The following FHIT variants were observed in gnomAD, a reference collection of about 807,000 sequenced individuals.
FHIT encodes bis(5'-adenosyl)-triphosphatase.
Under a neutral mutation model 17.9 loss-of-function variants are expected in FHIT, and 19 were observed. That is an observed-to-expected ratio of 1.06 (90% CI 0.74 to 1.56). The LOEUF is 1.56. Among genes scored for constraint, FHIT ranks in the 40% most tolerant of loss-of-function variants. The pLI, the probability that FHIT is intolerant of heterozygous loss-of-function variation, is 0.00. For synonymous variants in FHIT, 81 were observed against 69.7 expected (o/e 1.16, Z -0.81); for missense variants, 248 against 189.2 (o/e 1.31, Z -1.82).
At chr3:60,257,885 G>A (rs1706084381) in intron 5 of FHIT, among the ~76,000 whole-genome samples, 1 of 151,994 alleles carries the variant, frequency 6.6e-6, no homozygotes, top group Admixed American at 6.6e-5. Flanking sequence ...ACAAACTAAG[G>A]CCTGTCGGAG....
chr3:60,490,785 A>G (rs2034030289), intron 5 of FHIT, among the ~76,000 whole-genome samples: 1 of 152,126 alleles, frequency 6.6e-6, no homozygotes, highest in African/African-American at 2.4e-5. Context: ...AGCCCTTCAC[A>G]TGATTTAACA....
At chr3:60,073,192 T>A (rs147797369) in intron 5 of FHIT, among the ~76,000 whole-genome samples, 132 of 152,262 alleles carry the variant, frequency 8.7e-4, no homozygotes, top group African/African-American at 3.1e-3. Context: ...TGCCCCCATA[T>A]GATGTTTAAA....
At chr3:60,489,793 T>A (rs2107497570) in intron 5 of FHIT, among the ~76,000 whole-genome samples, 1 of 152,286 alleles carries the variant, frequency 6.6e-6, no homozygotes, top group South Asian at 2.1e-4. Context: ...GGAGGGCCTG[T>A]GCCTGTTTTC....
At chr3:61,023,084 C>T (rs111602369) in intron 3 of FHIT, among the ~76,000 whole-genome samples, 55,160 of 152,076 alleles carry the variant, frequency 0.36, 13,435 homozygotes, top group African/African-American at 0.7. Context: ...GAGTGCATAT[C>T]TAGAAAACCC....
At chr3:60,887,693 C>G (rs1358404293) in intron 3 of FHIT, among the ~76,000 whole-genome samples, 1 of 152,066 alleles carries the variant, frequency 6.6e-6, no homozygotes, top group African/African-American at 2.4e-5. Flanking sequence ...AAATTTTAAG[C>G]TCCCTTTTAC....
At chr3:60,859,051 G>C (rs1199935944) in intron 3 of FHIT, among the ~76,000 whole-genome samples, 1 of 152,122 alleles carries the variant, frequency 6.6e-6, no homozygotes, top group Non-Finnish European at 1.5e-5. Flanking sequence ...AGGAAGAATT[G>C]TTTTAGCGGC....
At chr3:60,762,888 A>G (rs1280090832) in intron 4 of FHIT, among the ~76,000 whole-genome samples, 2 of 152,158 alleles carry the variant, frequency 1.3e-5, no homozygotes, top group African/African-American at 4.8e-5. Flanking sequence ...GTGTTGGCCT[A>G]ACCTGCAGAT....
chr3:60,398,310 A>G (rs1346924639), intron 5 of FHIT, among the ~76,000 whole-genome samples: 1 of 152,178 alleles, frequency 6.6e-6, no homozygotes, highest in Admixed American at 6.5e-5. Context: ...TTCTCTCCTG[A>G]AAATCTTTGA....
chr3:60,130,825 A>ATACACACATATATAT (rs1699529093), intron 5 of FHIT, among the ~76,000 whole-genome samples: 1 of 150,250 alleles, frequency 6.7e-6, no homozygotes, highest in African/African-American at 2.4e-5. Context: ...ATGTGTGTAT[A>ATACACACATATATAT]GGTGTGTACA....
At chr3:60,861,290 T>C (rs1295360820) in intron 3 of FHIT, among the ~76,000 whole-genome samples, 5 of 80,354 alleles carry the variant, frequency 6.2e-5, no homozygotes, top group African/African-American at 2.0e-4. Flanking sequence ...CTTTTTTTTT[T>C]CAGTTAAGCT....
chr3:60,331,237 G>A (rs1425051403), intron 5 of FHIT, among the ~76,000 whole-genome samples: 2 of 152,132 alleles, frequency 1.3e-5, no homozygotes, highest in African/African-American at 4.8e-5. Context: ...CATCAGCTTA[G>A]CTAGCCTCCT....
chr3:61,041,521 C>A (rs1345573811), intron 3 of FHIT, among the ~76,000 whole-genome samples: 2 of 152,018 alleles, frequency 1.3e-5, no homozygotes, highest in Non-Finnish European at 1.5e-5. Context: ...TATGTGTGAT[C>A]ATGGATATTA....
chr3:60,018,708 T>G (rs1237533503), intron 5 of FHIT, among the ~76,000 whole-genome samples: 1 of 152,158 alleles, frequency 6.6e-6, no homozygotes, highest in Non-Finnish European at 1.5e-5. Flanking sequence ...CCGGGCGCAG[T>G]GGCTCACGCC....
intron 2 of FHIT, among the ~76,000 whole-genome samples, chr3:61,074,258 T>C (rs1406202333): frequency 6.6e-6 from 1 of 152,182 alleles, no homozygotes; most frequent in Non-Finnish European, 1.5e-5. Context: ...TATCACAGTC[T>C]TCTCTTTTTG....
intron 5 of FHIT, among the ~76,000 whole-genome samples, chr3:60,512,215 T>C (rs968308223): frequency 2.6e-5 from 4 of 152,212 alleles, no homozygotes; most frequent in African/African-American, 7.2e-5. Context: ...TTGACTGATA[T>C]GTAGCCATGG....
intron 2 of FHIT, among the ~76,000 whole-genome samples, chr3:61,133,061 T>C (rs2036811915): frequency 6.6e-6 from 1 of 152,138 alleles, no homozygotes; most frequent in South Asian, 2.1e-4. Flanking sequence ...AGAGTTCCTG[T>C]CTCCTAATTC....
At chr3:60,647,580 G>A (rs2039890913) in intron 4 of FHIT, among the ~76,000 whole-genome samples, 1 of 152,064 alleles carries the variant, frequency 6.6e-6, no homozygotes, top group South Asian at 2.1e-4. Flanking sequence ...ATGTTCAAAG[G>A]ATTACTTAAA....
At chr3:61,047,706 C>G (rs950272602) in intron 2 of FHIT, among the ~76,000 whole-genome samples, 13 of 152,194 alleles carry the variant, frequency 8.5e-5, no homozygotes, top group East Asian at 1.9e-4. Context: ...AAAGCTGGAG[C>G]CATCACGCTA....
At position 61,079,845 on chromosome 3, in the gene FHIT, CTT is replaced by C. The variant is rs540019033; in HGVS notation, c.-163-37748_-163-37747del. Among the ~76,000 whole-genome samples the C allele has an allele frequency of 1.5e-3, 233 of 152,250 alleles. 1 individual carries two copies. Among genetic ancestry groups the C allele is most frequent in the African/African-American group, 5.2e-3 (217 of 41,562 alleles). On this transcript the variant is annotated intron_variant, in intron 2 of 9. Coordinates refer to ENST00000492590, the MANE Select transcript of FHIT (RefSeq NM_002012.4). Reference sequence around the variant, plus strand: ...TACATACCATACTCATATGAACAAACTTATATATTCTCCCTACAAAATCACAC... The same window carrying C: ...TACATACCATACTCATATGAACAAACATATATTCTCCCTACAAAATCACAC...
Sources: gnomAD v4.1 joint callset for allele counts (sites outside exome capture counted in the v4.1 genomes callset) on GRCh38, gnomAD v4.1.1 for gene constraint, MANE v1.5 for transcripts, NCBI Gene and HGNC (gene_info 2026-07-23, HGNC 2026-07-21) for gene names.